Variants in PSAP observed in about 807,000 individuals in gnomAD.
The protein encoded by PSAP is precursor of saposins.
In PSAP, 25 loss-of-function variants were observed where a neutral mutation model predicts 66.0. The ratio of observed to expected loss-of-function variants is 0.38; its 90% CI spans 0.28 to 0.53. PSAP has a LOEUF of 0.53. PSAP is among the 20% of genes least tolerant of loss of function. The pLI is 0.83. For missense variants in PSAP, 649 were observed against 668.8 expected (o/e 0.97, Z 0.33); for synonymous variants, 273 against 258.9 (o/e 1.05, Z -0.52).
chr10:71,823,611 C>T (rs1459582978), intron 7 of PSAP, among the ~76,000 whole-genome samples: 1 of 152,126 alleles, frequency 6.6e-6, no homozygotes, highest in Admixed American at 6.5e-5. Flanking sequence ...CCTGCATGTA[C>T]GTATGCTGTA....
intron 1 of PSAP, among the ~76,000 whole-genome samples, chr10:71,850,561 T>C (rs187983034): frequency 2.0e-5 from 3 of 152,340 alleles, no homozygotes; most frequent in Admixed American, 2.0e-4. Context: ...AGGCACATGT[T>C]CTCAGGACCT....
chr10:71,842,835 T>C (rs959596862), intron 1 of PSAP, among the ~76,000 whole-genome samples: 1 of 152,176 alleles, frequency 6.6e-6, no homozygotes, highest in Non-Finnish European at 1.5e-5. Context: ...TAAAAACAAT[T>C]TCTTAAAATT....
At chr10:71,837,119 G>A (rs945246913) in intron 1 of PSAP, among the ~76,000 whole-genome samples, 20 of 152,178 alleles carry the variant, frequency 1.3e-4, no homozygotes, top group African/African-American at 3.9e-4. Flanking sequence ...GATTTCCGTG[G>A]ACACAGGAAG....
At chr10:71,828,765 C>A (rs531247088) in intron 5 of PSAP, 112 bp downstream of exon 5, 2 of 1,176,366 alleles carry the variant, frequency 1.7e-6, no homozygotes, top group Non-Finnish European at 2.4e-6. Flanking sequence ...TGCAGAGTCA[C>A]GCACAGGGAT....
chr10:71,832,741 CAA>C (rs1564821685), intron 2 of PSAP, among the ~76,000 whole-genome samples: 1 of 151,986 alleles, frequency 6.6e-6, no homozygotes, highest in Non-Finnish European at 1.5e-5. Context: ...GGAACCATAT[CAA>C]GAGAGGGCCG....
intron 6 of PSAP, among the ~76,000 whole-genome samples, chr10:71,826,565 A>G (rs908909628): frequency 3.3e-5 from 5 of 152,164 alleles, no homozygotes; most frequent in Admixed American, 2.0e-4. Context: ...CCTGATTAAC[A>G]TTCCTAACGG....
At chr10:71,834,737 C>A (rs910672525) in intron 1 of PSAP, among the ~76,000 whole-genome samples, 33 of 152,336 alleles carry the variant, frequency 2.2e-4, no homozygotes, top group Middle Eastern at 6.8e-3. Context: ...CGTTCATCCT[C>A]TCTAGCTACC....
In PSAP at chr10:71,817,237, G is replaced by T; in HGVS notation, c.*204C>A. The T allele has an allele frequency of 1.5e-6, 1 of 684,406 alleles. No individual in the cohort carries two copies. The highest frequency in any genetic ancestry group is 2.6e-6 in the Non-Finnish European group (1 of 380,302). 42.4% of individuals were successfully genotyped at this position (684,406 alleles called of 1,614,324 possible). On this transcript the variant is annotated 3_prime_UTR_variant, in exon 14 of 14. Transcript: ENST00000394936. ...CAACATCCATCTAGCAGAGAGAAAA[G>T]GGGCACTGAAGCAGCTATGTCTGCC...
Position 71,819,457 on chromosome 10 carries a change from G to C in PSAP, c.1350+8C>G. 2 of 1,613,996 alleles carry C rather than the reference G, an allele frequency of 1.2e-6. No individual in the cohort carries two copies. The highest frequency in any genetic ancestry group is 1.1e-5 in the South Asian group (1 of 91,088). ...TGCTGGCCTACCGCAGCCCAGCCCG[G>C]GGCGTACCTGCTTCTGGTAAGGGTC... is the stretch of plus-strand genomic sequence containing the variant. On this transcript the variant is annotated splice_region_variant and intron_variant, in intron 11 of 13. Coordinates refer to ENST00000394936, the MANE Select transcript of PSAP (RefSeq NM_002778.4).
intron 6 of PSAP, among the ~76,000 whole-genome samples, chr10:71,827,356 G>A (rs1358836861): frequency 2.7e-5 from 4 of 147,300 alleles, no homozygotes; most frequent in South Asian, 2.2e-4. Flanking sequence ...CCGAGATCGC[G>A]CCACTGCATT....
At chr10:71,831,061 T>C (rs191952792) in intron 4 of PSAP, 65 bp downstream of exon 4, 4 of 1,605,594 alleles carry the variant, frequency 2.5e-6, no homozygotes, top group African/African-American at 1.3e-5. Context: ...CAATCTACTC[T>C]GGGCCACTGC....
At chr10:71,832,036 C>T (rs766544918) in intron 2 of PSAP, 116 bp from the exon 3 acceptor site, 47 of 1,046,896 alleles carry the variant, frequency 4.5e-5, no homozygotes, top group Non-Finnish European at 5.7e-5. Context: ...TGATCATGAC[C>T]GCGCTCCTGT....
intron 1 of PSAP, among the ~76,000 whole-genome samples, chr10:71,840,180 C>T (rs1272394839): frequency 6.6e-6 from 1 of 150,914 alleles, no homozygotes; most frequent in Non-Finnish European, 1.5e-5. Context: ...AATCTAGCTA[C>T]CAGAAAAAAA....
chr10:71,849,004 C>G (rs1321952583), intron 1 of PSAP, among the ~76,000 whole-genome samples: 1 of 152,018 alleles, frequency 6.6e-6, no homozygotes, highest in Non-Finnish European at 1.5e-5. Context: ...TTATATTTCC[C>G]GAGACACGAT....
intron 13 of PSAP, 100 bp downstream of exon 13, chr10:71,818,517 G>C (rs1842221550): frequency 9.7e-7 from 1 of 1,035,350 alleles, no homozygotes; most frequent in Admixed American, 1.7e-5. Flanking sequence ...CATAAAAGCA[G>C]GGTGGAGAGT....
chr10:71,833,039 C>G (rs111906658), intron 2 of PSAP, among the ~76,000 whole-genome samples: 2 of 95,012 alleles, frequency 2.1e-5, no homozygotes, highest in Admixed American at 1.0e-4. Context: ...AAACAAAAAA[C>G]AAAAACAGAA....
rs781415981 is a variant in PSAP at position 71,833,016 on chromosome 10, C to CAAAAAAAAAAAAAAAAA, written c.175-1097_175-1096insTTTTTTTTTTTTTTTTT. ...TAGGCAACAGAGTGAGAGTCCATCT[C>CAAAAAAAAAAAAAAAAA]AAAAAAAAAAAAAAACAAAAAACAA... On this transcript the variant is annotated intron_variant, in intron 2 of 13. Coordinates refer to ENST00000394936, the MANE Select transcript of PSAP (RefSeq NM_002778.4). 2.6e-4 allele frequency among the ~76,000 whole-genome samples: 13 copies of CAAAAAAAAAAAAAAAAA among 50,704 alleles called. 1 individual carries two copies. The highest frequency in any genetic ancestry group is 8.6e-4 in the South Asian group (1 of 1,166). 33.3% of individuals were successfully genotyped at this position (50,704 alleles called of 152,430 possible). A position where few individuals can be genotyped will look rare whatever the true frequency, so the allele number is the denominator to read the frequency against.
intron 8 of PSAP, among the ~76,000 whole-genome samples, chr10:71,820,895 T>C (rs1564816041): frequency 6.6e-6 from 1 of 152,282 alleles, no homozygotes; most frequent in Non-Finnish European, 1.5e-5. Context: ...TGCTGTCCAC[T>C]ATAAGCTCCA....
intron 4 of PSAP, among the ~76,000 whole-genome samples, chr10:71,830,303 T>C (rs1842487316): frequency 6.6e-6 from 1 of 152,196 alleles, no homozygotes; most frequent in Non-Finnish European, 1.5e-5. Flanking sequence ...CATGAGCAAG[T>C]CCAGTCCATT....
Sources: allele counts gnomAD v4.1 joint callset (sites outside exome capture counted in the v4.1 genomes callset), GRCh38; gene constraint gnomAD v4.1.1; transcripts MANE v1.5; gene names NCBI Gene and HGNC (gene_info 2026-07-23, HGNC 2026-07-21).